The following SHROOM3 variants were observed in gnomAD, a reference collection of about 807,000 sequenced individuals.
SHROOM3 encodes the protein protein Shroom3.
A neutral mutation model predicts 138.6 loss-of-function variants in SHROOM3; 47 were observed. The ratio of observed to expected loss-of-function variants is 0.34; its 90% CI spans 0.27 to 0.43. SHROOM3 has a LOEUF of 0.43. SHROOM3 is among the 20% of genes least tolerant of loss of function. SHROOM3 has a pLI of 1.00. For synonymous variants in SHROOM3, 1,062 were observed against 1,063.3 expected (o/e 1.00, Z 0.02); for missense variants, 2,491 against 2,596.5 (o/e 0.96, Z 0.88).
rs1348630013 is a variant in SHROOM3, at chr4:76,741,962, C to T, written c.3753+36C>T. ...CCAGCAAGTCCTGGCCTCGAACTGT[C>T]CCTTCCTCCCTAGAAGCTTTAGTGG... On this transcript the variant is annotated intron_variant, in intron 5 of 10. Coordinates refer to ENST00000296043, the MANE Select transcript of SHROOM3 (RefSeq NM_020859.4). The surrounding 1 kb of genome is among the most constrained non-coding windows in gnomAD (Gnocchi z 6.2). The T allele has an allele frequency of 4.5e-5, 72 of 1,603,194 alleles. 2 individuals are homozygous for T. In the South Asian group the frequency reaches 7.2e-4, roughly 16 times the overall value.
At chr4:76,717,829 AG>A (rs1470442264) in intron 3 of SHROOM3, among the ~76,000 whole-genome samples, 1 of 152,246 alleles carries the variant, frequency 6.6e-6, no homozygotes, top group Admixed American at 6.5e-5. Context: ...ATATATGAAA[AG>A]AAGTATTGAT....
At chr4:76,465,025 GT>G (rs1425245926) in intron 1 of SHROOM3, among the ~76,000 whole-genome samples, 2 of 152,180 alleles carry the variant, frequency 1.3e-5, no homozygotes, top group African/African-American at 2.4e-5. Flanking sequence ...GGTGTTTTGA[GT>G]GCCTGAACTA....
At chr4:76,450,237 T>C (rs1409294581) in intron 1 of SHROOM3, among the ~76,000 whole-genome samples, 1 of 152,248 alleles carries the variant, frequency 6.6e-6, no homozygotes, top group African/African-American at 2.4e-5. Flanking sequence ...TGTCCTATTA[T>C]GCTGTCATTT....
chr4:76,755,249 G>A (rs1365038457), intron 7 of SHROOM3, 57 bp downstream of exon 7: 4 of 1,584,174 alleles, frequency 2.5e-6, no homozygotes, highest in African/African-American at 1.3e-5. Flanking sequence ...CATGCCCCAG[G>A]TGGCCCAGGT....
chr4:76,663,576 GT>G (rs1440394464), intron 2 of SHROOM3, among the ~76,000 whole-genome samples: 2 of 152,142 alleles, frequency 1.3e-5, no homozygotes, highest in Non-Finnish European at 2.9e-5. Context: ...TGTTGTTCTT[GT>G]TGATTTAGAG....
chr4:76,749,205 T>C, intron 6 of SHROOM3, 115 bp downstream of exon 6: 1 of 1,050,476 alleles, frequency 9.5e-7, no homozygotes, highest in South Asian at 1.3e-5. Context: ...ACATGCTTTT[T>C]TGATTTGTCT....
At chr4:76,680,475 A>G (rs1469001408) in intron 2 of SHROOM3, among the ~76,000 whole-genome samples, 1 of 152,106 alleles carries the variant, frequency 6.6e-6, no homozygotes, top group Non-Finnish European at 1.5e-5. Flanking sequence ...TACAAAGTGG[A>G]TTTTCTTCTC....
intron 2 of SHROOM3, among the ~76,000 whole-genome samples, chr4:76,574,097 T>C (rs1369938365): frequency 1.3e-5 from 2 of 151,224 alleles, no homozygotes; most frequent in African/African-American, 2.5e-5. Flanking sequence ...CAGAACTTGG[T>C]CCTCACAGCT....
chr4:76,555,457 TCA>T, intron 1 of SHROOM3, 150 bp from the exon 2 acceptor site: 21 of 1,153,532 alleles, frequency 1.8e-5, no homozygotes, highest in Non-Finnish European at 2.5e-5. Context: ...CCCTGCGCTC[TCA>T]CAGTTTTCCC....
Position 76,761,139 on chromosome 4 carries a change from C to T in SHROOM3, c.5349+1444C>T, listed in dbSNP as rs374106443. Among the ~76,000 whole-genome samples the T allele has an allele frequency of 1.4e-4, 21 of 152,164 alleles. No individual in the cohort carries two copies. In the South Asian group the frequency reaches 4.4e-3, roughly 32 times the overall value. ...ATGATTGTATGCATCAACCAGGTAG[C>T]GAGCATAGTACCCAATAGGTAGTTT... On this transcript the variant is annotated intron_variant, in intron 9 of 10. Coordinates refer to ENST00000296043, the MANE Select transcript of SHROOM3 (RefSeq NM_020859.4).
chr4:76,688,873 A>T, intron 2 of SHROOM3: 1 of 985,112 alleles, frequency 1.0e-6, no homozygotes, highest in Non-Finnish European at 1.2e-6. Context: ...CTTCAGCGGC[A>T]TTCACCACCA....
At chr4:76,573,843 A>G (rs187394374) in intron 2 of SHROOM3, among the ~76,000 whole-genome samples, 1 of 152,264 alleles carries the variant, frequency 6.6e-6, no homozygotes, top group Non-Finnish European at 1.5e-5. Context: ...GGCCCATCCT[A>G]GGATCATCTC....
chr4:76,681,625 G>GTGTGTGTGTGTGTGTGTGTATGTA (rs150048957), intron 2 of SHROOM3, among the ~76,000 whole-genome samples: 2,813 of 117,630 alleles, frequency 0.024, 151 homozygotes, highest in East Asian at 0.096. Flanking sequence ...GTGTGTGTGT[G>GTGTGTGTGTGTGTGTGTGTATGTA]TGTGTGTGTA....
intron 1 of SHROOM3, among the ~76,000 whole-genome samples, chr4:76,446,944 G>A (rs1730819023): frequency 6.6e-6 from 1 of 152,132 alleles, no homozygotes; most frequent in Non-Finnish European, 1.5e-5. Flanking sequence ...TGTCTGCTCT[G>A]GTTTCATGAT....
chr4:76,735,757 T>C (rs566917699), intron 4 of SHROOM3, among the ~76,000 whole-genome samples: 3 of 147,984 alleles, frequency 2.0e-5, no homozygotes, highest in South Asian at 4.5e-4. Context: ...GGAGAATTGC[T>C]TGAACCCGGG....
intron 2 of SHROOM3, among the ~76,000 whole-genome samples, chr4:76,571,158 A>C (rs538447631): frequency 6.6e-6 from 1 of 152,202 alleles, no homozygotes; most frequent in Non-Finnish European, 1.5e-5. Flanking sequence ...AACACCAGTA[A>C]TAGGGATTAT....
intron 1 of SHROOM3, among the ~76,000 whole-genome samples, chr4:76,444,555 A>G (rs1345642306): frequency 7.6e-6 from 1 of 132,336 alleles, no homozygotes; most frequent in East Asian, 2.3e-4. Flanking sequence ...GTGCAGTGAC[A>G]CGATGATCTT....
At chr4:76,636,289 G>T (rs529671391) in intron 2 of SHROOM3, among the ~76,000 whole-genome samples, 1 of 152,266 alleles carries the variant, frequency 6.6e-6, no homozygotes, top group South Asian at 2.1e-4. Context: ...CAGACTTCAT[G>T]ATGGAAAGAC....
rs7695660 is a variant in SHROOM3, at chr4:76,562,801, T to G, written c.323+7038T>G. Among the ~76,000 whole-genome samples, 849 of 152,328 alleles carry G rather than the reference T, an allele frequency of 5.6e-3. 11 individuals are homozygous for G. The highest frequency in any genetic ancestry group is 0.019 in the African/African-American group (809 of 41,568). On this transcript the variant is annotated intron_variant, in intron 2 of 10. Transcript: ENST00000296043. ...TTTTAAAGCAGTTTAAAGAAGCAAT[T>G]TATTAAAAGCTTTAAAAGCAAATGG...
Sources: gnomAD v4.1 joint callset for allele counts (sites outside exome capture counted in the v4.1 genomes callset) on GRCh38, gnomAD v4.1.1 for gene constraint, Gnocchi (gnomAD v3.1) non-coding constraint, MANE v1.5 for transcripts, NCBI Gene and HGNC (gene_info 2026-07-23, HGNC 2026-07-21) for gene names.